TERT: variants seen among roughly 807,000 people sequenced by gnomAD.
TERT encodes the protein telomerase reverse transcriptase.
TERT carries 42 observed loss-of-function variants against 104.0 expected under a neutral mutation model. The observed-to-expected ratio is 0.40, with a 90% confidence interval of 0.32 to 0.52. TERT has a LOEUF of 0.52. Ranked by LOEUF, TERT falls within the 20% of genes least tolerant of loss-of-function variation. The pLI is 0.43. For missense variants in TERT, 1,101 were observed against 1,610.3 expected (o/e 0.68, Z 5.41); for synonymous variants, 781 against 725.6 (o/e 1.08, Z -1.23).
chr5:1,293,320 C>G lies in TERT; in HGVS notation c.1566G>C (p.Arg522Ser). The part of the protein sequence containing the change: ...MSVRDCAWLR[R>S]SPGVGCVPAA... ...CGGCCACCACCTCCTCACCTGGGCT[C>G]CTGCGCAGCCAAGCGCAGTCCCGCA... The change falls in exon 2 of 16, where the codon AGG becomes AGC. Residue 522 changes from arginine to serine, a missense_variant. Physicochemically the swap from Arg to Ser is moderately radical, Grantham distance 110. Transcript: ENST00000310581. 1 of 1,612,978 alleles carries G rather than the reference C, an allele frequency of 6.2e-7. No individual in the cohort carries two copies. The highest frequency in any genetic ancestry group is 8.5e-7 in the Non-Finnish European group (1 of 1,179,994).
chr5:1,284,383 A>C (rs1467705612), intron 2 of TERT, among the ~76,000 whole-genome samples: 189 of 41,334 alleles, frequency 4.6e-3, no homozygotes, highest in East Asian at 6.0e-3. Context: ...GAGGGCCTGG[A>C]GACCTCACCC....
At chr5:1,267,087 C>G (rs3891054) in intron 9 of TERT, among the ~76,000 whole-genome samples, 20,498 of 152,250 alleles carry the variant, frequency 0.13, 1,699 homozygotes, top group East Asian at 0.39. Context: ...TCCTCCAAAT[C>G]CCAGAGCAAG....
At chr5:1,281,701 G>A (rs551188014) in intron 3 of TERT, among the ~76,000 whole-genome samples, 2 of 152,284 alleles carry the variant, frequency 1.3e-5, no homozygotes, top group African/African-American at 2.4e-5. Flanking sequence ...CTGCACAGGT[G>A]CTCCCTGCAG....
chr5:1,259,029 G>T (rs556464963), intron 12 of TERT, among the ~76,000 whole-genome samples: 1 of 150,174 alleles, frequency 6.7e-6, no homozygotes, highest in East Asian at 2.0e-4. Flanking sequence ...ACAGGAGAGG[G>T]GGAGTGGACA....
At chr5:1,264,682 C>A in intron 10 of TERT, 90 bp from the exon 11 acceptor site, 1 of 1,489,420 alleles carries the variant, frequency 6.7e-7, no homozygotes. Context: ...TGGAAAACCC[C>A]AGAGAAGTGG....
rs752511903 is a variant in TERT at position 1,293,951 on chromosome 5, C to T, written c.935G>A (p.Arg312Gln). Reference protein sequence around the residue: ...QHHAGPPSTSRPPRPWDTPCP... With the variant: ...QHHAGPPSTSQPPRPWDTPCP... ...AGGCGTGTCCCAGGGACGTGGTGGC[C>T]GCGATGTGGATGGGGGGCCCGCGTG... Residue 312 changes from arginine to glutamine, a missense_variant, in exon 2 of 16, where the codon CGG becomes CAG. Arg to Gln is a conservative substitution (Grantham distance 43). Around this residue, in one of 5 missense-constraint regions of TERT, gnomAD observed 504 missense variants for 544.6 expected, o/e 0.93. Transcript: ENST00000310581. 1.9e-6 allele frequency: 3 copies of T among 1,548,966 alleles called. No individual in the cohort carries two copies. Among genetic ancestry groups the T allele is most frequent in the Non-Finnish European group, 2.6e-6 (3 of 1,149,984 alleles).
At chr5:1,260,925 G>T (rs917827606) in intron 11 of TERT, among the ~76,000 whole-genome samples, 1 of 152,216 alleles carries the variant, frequency 6.6e-6, no homozygotes, top group African/African-American at 2.4e-5. Context: ...AAACTGTGGA[G>T]CCCTGGCTCC....
chr5:1,270,225 T>C lies in TERT; in HGVS notation c.2468+894A>G, dbSNP rs919444649. Among the ~76,000 whole-genome samples the C allele has an allele frequency of 6.6e-6, 1 of 152,240 alleles. No individual in the cohort carries two copies. Among genetic ancestry groups the C allele is most frequent in the African/African-American group, 2.4e-5 (1 of 41,470 alleles). ...CTTTAATAAATATTATAATTGCTGA[T>C]ACCATTAGTGATTACTTATAATGCA... On this transcript the variant is annotated intron_variant, in intron 8 of 15. Coordinates refer to ENST00000310581, the MANE Select transcript of TERT (RefSeq NM_198253.3). This position sits in a 1 kb window ranked among gnomAD's most constrained non-coding sequence, Gnocchi z 8.3.
Position 1,276,940 on chromosome 5 carries a change from G to A in TERT, c.2286+1701C>T, listed in dbSNP as rs141565455. 4.4e-3 allele frequency among the ~76,000 whole-genome samples: 672 copies of A among 152,298 alleles called. 3 individuals are homozygous for A. Among genetic ancestry groups the A allele is most frequent in the Admixed American group, 7.8e-3 (120 of 15,298 alleles). ...GAGAGCACAAAAGCAAGACACACAC[G>A]GCACAGAGATTCACAGTGCACGCAT... On this transcript the variant is annotated intron_variant, in intron 6 of 15. Coordinates refer to ENST00000310581, the MANE Select transcript of TERT (RefSeq NM_198253.3).
chr5:1,288,559 G>A lies in TERT; in HGVS notation c.1573+4754C>T, dbSNP rs932469136. On this transcript the variant is annotated intron_variant, in intron 2 of 15. Coordinates refer to ENST00000310581, the MANE Select transcript of TERT (RefSeq NM_198253.3). The surrounding 1 kb of genome is among the most constrained non-coding windows in gnomAD (Gnocchi z 5.3). ...GCAGAGCCCAGCCTAAGCAATGAGC[G>A]GCAGGTGCCCAGAATAAGGTGACAA... 2.0e-5 allele frequency among the ~76,000 whole-genome samples: 3 copies of A among 152,052 alleles called. No individual in the cohort carries two copies. The highest frequency in any genetic ancestry group is 1.9e-4 in the East Asian group (1 of 5,178).
At chr5:1,278,922 A>C (rs1435906183) in intron 5 of TERT, 126 bp from the exon 6 acceptor site, 8 of 1,348,860 alleles carry the variant, frequency 5.9e-6, no homozygotes, top group Non-Finnish European at 8.3e-6. Flanking sequence ...CCAGACCCCA[A>C]GGGCAGGGCG....
chr5:1,294,694 G>C (rs1751276406), intron 1 of TERT, 28 bp from the exon 2 acceptor site: 2 of 1,585,910 alleles, frequency 1.3e-6, no homozygotes, highest in Non-Finnish European at 1.7e-6. Flanking sequence ...TGAGTCGCCT[G>C]CGCTGCTCTC....
At chr5:1,259,109 C>T (rs370937311) in intron 12 of TERT, among the ~76,000 whole-genome samples, 11 of 128,732 alleles carry the variant, frequency 8.5e-5, no homozygotes, top group South Asian at 2.6e-4. Context: ...TGGACACGGA[C>T]GCCCACAGGA....
Position 1,272,267 on chromosome 5 carries a change from G to A in TERT, c.2300C>T (p.Thr767Ile). The A allele has an allele frequency of 6.2e-7, 1 of 1,611,788 alleles. No homozygotes were observed. Among genetic ancestry groups the A allele is most frequent in the Non-Finnish European group, 8.5e-7 (1 of 1,179,520 alleles). The change falls in exon 7 of 16, where the codon ACA becomes ATA. Residue 767 changes from threonine (T) to isoleucine (I), a missense_variant. This residue lies in a region of TERT where 463 missense variants were observed against 797.5 expected (regional missense o/e 0.58). Coordinates refer to ENST00000310581, the MANE Select transcript of TERT (RefSeq NM_198253.3). The stretch of plus-strand genomic sequence containing the variant: ...CTGTCGCATGTACGGCTGGAGGTCT[G>A]TCAAGGTAGAGACCTGCCGGCAGAG... ...KAFKSHVSTL[T>I]DLQPYMRQFV...
chr5:1,254,585 C>A, intron 14 of TERT, 80 bp from the exon 15 acceptor site: 2 of 1,506,148 alleles, frequency 1.3e-6, no homozygotes, highest in East Asian at 2.5e-5. Flanking sequence ...TGCCCACACC[C>A]GACGGTCTGC....
chr5:1,259,863 G>C (rs1160217868), intron 12 of TERT, among the ~76,000 whole-genome samples: 1 of 143,964 alleles, frequency 6.9e-6, no homozygotes, highest in East Asian at 2.1e-4. Flanking sequence ...GAGTGGACAC[G>C]GACAACCACA....
rs964992319 is a variant in TERT at position 1,256,754 on chromosome 5, C to T, written c.3033-1343G>A. ...TAAACAAATAAATAAGCCTAAGGTC[C>T]CGGGGTTGCCACACGGCCACGCTCC... On this transcript the variant is annotated intron_variant, in intron 13 of 15. Transcript: ENST00000310581. The surrounding 1 kb of genome is among the most constrained non-coding windows in gnomAD (Gnocchi z 7.0). Among the ~76,000 whole-genome samples the T allele has an allele frequency of 6.6e-5, 10 of 152,186 alleles. No individual in the cohort carries two copies. Among genetic ancestry groups the T allele is most frequent in the African/African-American group, 2.2e-4 (9 of 41,430 alleles).
chr5:1,275,782 C>T (rs1481639429), intron 6 of TERT, among the ~76,000 whole-genome samples: 1 of 130,718 alleles, frequency 7.7e-6, no homozygotes, highest in East Asian at 2.5e-4. Flanking sequence ...TCCACCTACC[C>T]CACACATGAA....
In TERT at chr5:1,253,651, T is replaced by C. The variant is rs1384577345; in HGVS notation, c.*77A>G. 3 of 1,317,626 alleles carry C rather than the reference T, an allele frequency of 2.3e-6. No individual in the cohort carries two copies. The highest frequency in any genetic ancestry group is 1.4e-5 in the African/African-American group (1 of 69,628). 81.6% of individuals were successfully genotyped at this position (1,317,626 alleles called of 1,614,324 possible). A position where few individuals can be genotyped will look rare whatever the true frequency, so the allele number is the denominator to read the frequency against. ...TGCGGGCCTGGGTGTGGGCCGCCCCTCCCTCCCTGGGACGTAGAGCCCGGC... is the reference window on the plus strand; with the variant it reads ...TGCGGGCCTGGGTGTGGGCCGCCCCCCCCTCCCTGGGACGTAGAGCCCGGC... On this transcript the variant is annotated 3_prime_UTR_variant, in exon 16 of 16. Coordinates refer to ENST00000310581, the MANE Select transcript of TERT (RefSeq NM_198253.3).
Sources: allele counts gnomAD v4.1 joint callset (sites outside exome capture counted in the v4.1 genomes callset), GRCh38; gene constraint gnomAD v4.1.1; regional missense constraint gnomAD v4.1.1; non-coding constraint Gnocchi (gnomAD v3.1); transcripts MANE v1.5; gene names NCBI Gene and HGNC (gene_info 2026-07-23, HGNC 2026-07-21).